The following THSD7B variants were observed in gnomAD, a reference collection of about 807,000 sequenced individuals.
THSD7B encodes thrombospondin type 1 domain containing 7B.
In THSD7B, 138 loss-of-function variants were observed where a neutral mutation model predicts 213.6. That is an observed-to-expected ratio of 0.65 (90% CI 0.56 to 0.74). THSD7B has a LOEUF of 0.74. Among genes scored for constraint, THSD7B ranks in the 30% least tolerant of loss-of-function variants. The pLI is 0.00. For missense variants in THSD7B, 1,931 were observed against 1,991.5 expected (o/e 0.97, Z 0.58); for synonymous variants, 742 against 687.0 (o/e 1.08, Z -1.25).
intron 20 of THSD7B, among the ~76,000 whole-genome samples, chr2:137,635,952 C>T (rs1302862276): frequency 1.3e-5 from 2 of 152,164 alleles, no homozygotes; most frequent in African/African-American, 2.4e-5. Flanking sequence ...ATCTGCCCGT[C>T]TTGCATCCCA....
intron 1 of THSD7B, among the ~76,000 whole-genome samples, chr2:136,853,732 T>A (rs1405854586): frequency 6.6e-6 from 1 of 152,250 alleles, no homozygotes; most frequent in Non-Finnish European, 1.5e-5. Flanking sequence ...TGCCAAATGG[T>A]GATTACCTAG....
chr2:137,193,966 A>G (rs1201425413), intron 7 of THSD7B, among the ~76,000 whole-genome samples: 1 of 151,746 alleles, frequency 6.6e-6, no homozygotes, highest in Non-Finnish European at 1.5e-5. Flanking sequence ...TGGTTTTCTC[A>G]TCTGGAAATT....
rs182868924 is a variant in THSD7B, at chr2:137,083,824, C to A, written c.951-11049C>A. Among the ~76,000 whole-genome samples the A allele has an allele frequency of 8.7e-4, 133 of 152,122 alleles. 1 individual carries two copies. Among genetic ancestry groups the A allele is most frequent in the African/African-American group, 2.8e-3 (116 of 41,518 alleles). ...ATTATGCTATAATTTGGGCAAGCTG[C>A]TGCCATATGGATAGCACTGTTTTTG... On this transcript the variant is annotated intron_variant, in intron 3 of 27. Coordinates refer to ENST00000409968, the MANE Select transcript of THSD7B (RefSeq NM_001316349.2).
At chr2:137,608,928 C>T (rs1236758634) in intron 17 of THSD7B, among the ~76,000 whole-genome samples, 1 of 152,200 alleles carries the variant, frequency 6.6e-6, no homozygotes, top group African/African-American at 2.4e-5. Context: ...TTATAGTAAA[C>T]ATTCTTGTGT....
rs547149123 is a variant in THSD7B, at chr2:137,500,725, C to A, written c.3138+49702C>A. 7.2e-5 allele frequency among the ~76,000 whole-genome samples: 11 copies of A among 152,234 alleles called. No homozygotes were observed. In the South Asian group the frequency reaches 2.1e-3, roughly 29 times the overall value. The stretch of plus-strand genomic sequence containing the variant: ...AATATGGAATCTGACATCCAGTAAG[C>A]ACTCATTGCTATATTTCATTTTGTT... On this transcript the variant is annotated intron_variant, in intron 15 of 27. Transcript: ENST00000409968.
At chr2:137,314,759 C>T (rs892082700) in intron 12 of THSD7B, among the ~76,000 whole-genome samples, 2 of 152,088 alleles carry the variant, frequency 1.3e-5, no homozygotes, top group Admixed American at 6.5e-5. Flanking sequence ...TGTTGGAGTA[C>T]TCGGCCTTGT....
intron 1 of THSD7B, among the ~76,000 whole-genome samples, chr2:136,808,752 A>G (rs771200458): frequency 1.3e-5 from 2 of 152,182 alleles, no homozygotes; most frequent in Non-Finnish European, 1.5e-5. Context: ...TTAGGTTTAA[A>G]CTATTCTGTA....
chr2:136,898,101 GA>G (rs1207347435), intron 2 of THSD7B, among the ~76,000 whole-genome samples: 2 of 152,214 alleles, frequency 1.3e-5, no homozygotes, highest in Admixed American at 1.3e-4. Flanking sequence ...TAGCTAGACA[GA>G]AAAGTTCTCC....
intron 1 of THSD7B, among the ~76,000 whole-genome samples, chr2:136,806,985 G>C (rs7562780): frequency 6.6e-6 from 1 of 152,098 alleles, no homozygotes; most frequent in Non-Finnish European, 1.5e-5. Context: ...GTTTTTGGGG[G>C]GAAGACCACT....
chr2:137,298,508 C>T (rs1421272066), intron 12 of THSD7B, among the ~76,000 whole-genome samples: 3 of 152,060 alleles, frequency 2.0e-5, no homozygotes, highest in African/African-American at 4.8e-5. Context: ...ATCCCTGAGA[C>T]CATGGGGAAA....
rs558914221 is a variant in THSD7B, at chr2:137,350,604, G to A, written c.2501-55009G>A. 7.2e-5 allele frequency among the ~76,000 whole-genome samples: 11 copies of A among 151,914 alleles called. No homozygotes were observed. In the East Asian group the frequency reaches 1.9e-3, roughly 27 times the overall value. On this transcript the variant is annotated intron_variant, in intron 12 of 27. Coordinates refer to ENST00000409968, the MANE Select transcript of THSD7B (RefSeq NM_001316349.2). ...AGAGCATGAAGTTGGAGAGCGACATGATTAGATTTATGTCTGAAAGAGATC... is the reference window on the plus strand; with the variant it reads ...AGAGCATGAAGTTGGAGAGCGACATAATTAGATTTATGTCTGAAAGAGATC...
intron 17 of THSD7B, among the ~76,000 whole-genome samples, chr2:137,574,958 T>A (rs949530605): frequency 6.6e-6 from 1 of 152,124 alleles, no homozygotes; most frequent in African/African-American, 2.4e-5. Context: ...GGATCTTTAA[T>A]ATTTGCCATT....
chr2:137,557,859 G>A (rs140546204), intron 15 of THSD7B, among the ~76,000 whole-genome samples: 16,663 of 151,992 alleles, frequency 0.11, 1,691 homozygotes, highest in African/African-American at 0.26. Context: ...TCAAATAGAC[G>A]CAATAAAAAA....
At chr2:137,068,691 T>C (rs571059301) in intron 3 of THSD7B, among the ~76,000 whole-genome samples, 1 of 152,260 alleles carries the variant, frequency 6.6e-6, no homozygotes, top group African/African-American at 2.4e-5. Context: ...AAAATTATTA[T>C]AATTTGTTCT....
At chr2:136,885,516 A>G (rs1683703083) in intron 2 of THSD7B, among the ~76,000 whole-genome samples, 1 of 152,166 alleles carries the variant, frequency 6.6e-6, no homozygotes, top group South Asian at 2.1e-4. Flanking sequence ...AGCTGTGTCA[A>G]GAAAGAAGGA....
chr2:136,966,400 A>G (rs1432315721), intron 2 of THSD7B, among the ~76,000 whole-genome samples: 1 of 152,014 alleles, frequency 6.6e-6, no homozygotes, highest in East Asian at 1.9e-4. Flanking sequence ...GTGTTTTTGT[A>G]GAGACAGGGT....
intron 9 of THSD7B, among the ~76,000 whole-genome samples, chr2:137,234,008 A>G (rs1025606765): frequency 1.3e-5 from 2 of 152,212 alleles, no homozygotes; most frequent in African/African-American, 4.8e-5. Flanking sequence ...GGCAACATAC[A>G]GTGCCTCCCC....
intron 7 of THSD7B, among the ~76,000 whole-genome samples, chr2:137,191,272 C>G (rs1680650589): frequency 6.6e-6 from 1 of 152,182 alleles, no homozygotes; most frequent in East Asian, 1.9e-4. Context: ...CGACTTTATT[C>G]TCTCCATGTT....
At chr2:137,407,551 C>T (rs1686555389) in intron 13 of THSD7B, among the ~76,000 whole-genome samples, 1 of 152,032 alleles carries the variant, frequency 6.6e-6, no homozygotes, top group Non-Finnish European at 1.5e-5. Context: ...TGTCATGAAA[C>T]TAATGCTTGT....
Sources: allele counts gnomAD v4.1 joint callset (sites outside exome capture counted in the v4.1 genomes callset), GRCh38; gene constraint gnomAD v4.1.1; transcripts MANE v1.5; gene names NCBI Gene and HGNC (gene_info 2026-07-23, HGNC 2026-07-21).